ALK: variants seen among roughly 807,000 people sequenced by gnomAD.
The protein encoded by ALK is ALK receptor tyrosine kinase.
In ALK, 74 loss-of-function variants were observed where a neutral mutation model predicts 163.1. That is an observed-to-expected ratio of 0.45 (90% CI 0.38 to 0.55). ALK has a LOEUF of 0.55. ALK is among the 20% of genes least tolerant of loss of function. The pLI is 0.00. For synonymous variants in ALK, 960 were observed against 843.2 expected (o/e 1.14, Z -2.40); for missense variants, 2,063 against 2,105.3 (o/e 0.98, Z 0.39).
intron 5 of ALK, among the ~76,000 whole-genome samples, chr2:29,356,682 T>G (rs1422227416): frequency 6.6e-6 from 1 of 152,190 alleles, no homozygotes; most frequent in Non-Finnish European, 1.5e-5. Context: ...GATGGGAGAC[T>G]GAGCAGACCC....
chr2:29,663,871 T>C (rs1427711575), intron 3 of ALK, among the ~76,000 whole-genome samples: 1 of 152,172 alleles, frequency 6.6e-6, no homozygotes, highest in Admixed American at 6.5e-5. Flanking sequence ...TTTGTCTATA[T>C]GTCAAGTAAC....
chr2:29,562,593 C>T (rs1317326704), intron 3 of ALK, among the ~76,000 whole-genome samples: 1 of 152,050 alleles, frequency 6.6e-6, no homozygotes, highest in East Asian at 1.9e-4. Flanking sequence ...ACTGCATTGG[C>T]TCAATAGCAG....
At chr2:29,678,408 C>G (rs191565265) in intron 3 of ALK, among the ~76,000 whole-genome samples, 1 of 151,514 alleles carries the variant, frequency 6.6e-6, no homozygotes, top group Admixed American at 6.6e-5. Context: ...TGAGACTTTA[C>G]TCTTTTTCTA....
chr2:29,328,593 G>T (rs1667346098), intron 5 of ALK, 112 bp from the exon 6 acceptor site: 1 of 1,401,016 alleles, frequency 7.1e-7, no homozygotes, highest in South Asian at 1.2e-5. Flanking sequence ...ATCCTGCCCT[G>T]CCATTCACAC....
chr2:29,680,986 T>C (rs1678047369), intron 3 of ALK: 3 of 152,112 alleles, frequency 2.0e-5, no homozygotes, highest in African/African-American at 7.2e-5. Flanking sequence ...CTATTGATTG[T>C]TTTTCAGGTG....
At chr2:29,288,961 AATAAATAAATAAAT>A (rs1558654901) in intron 9 of ALK, among the ~76,000 whole-genome samples, 1,350 of 117,042 alleles carry the variant, frequency 0.012, 175 homozygotes, top group African/African-American at 0.045. Context: ...CAAAAAAATA[AATAAATAAATAAAT>A]AAATAAATAA....
chr2:29,725,093 A>G (rs1002477405), intron 1 of ALK, among the ~76,000 whole-genome samples: 2 of 136,152 alleles, frequency 1.5e-5, no homozygotes, highest in Non-Finnish European at 3.1e-5. Flanking sequence ...ATATTAATAA[A>G]GGAAATTGTT....
chr2:29,461,649 T>C (rs1436317451), intron 4 of ALK, among the ~76,000 whole-genome samples: 1 of 152,190 alleles, frequency 6.6e-6, no homozygotes, highest in African/African-American at 2.4e-5. Context: ...AAAAGATTCC[T>C]TTAAAAATAT....
At chr2:29,535,465 A>G (rs1673227844) in intron 3 of ALK, among the ~76,000 whole-genome samples, 1 of 152,246 alleles carries the variant, frequency 6.6e-6, no homozygotes. Flanking sequence ...ACCTTAGACA[A>G]ATTATTTAAA....
intron 2 of ALK, among the ~76,000 whole-genome samples, chr2:29,708,837 A>G (rs1272480325): frequency 6.6e-6 from 1 of 152,046 alleles, no homozygotes; most frequent in East Asian, 1.9e-4. Context: ...CTATTTGATC[A>G]GACCACAGAA....
At chr2:29,453,223 A>C (rs539189541) in intron 4 of ALK, among the ~76,000 whole-genome samples, 1 of 152,142 alleles carries the variant, frequency 6.6e-6, no homozygotes, top group Non-Finnish European at 1.5e-5. Flanking sequence ...TAAATATCAA[A>C]CTATCTCAAA....
chr2:29,371,989 C>G (rs80054806), intron 5 of ALK, among the ~76,000 whole-genome samples: 1,667 of 152,334 alleles, frequency 0.011, 27 homozygotes, highest in African/African-American at 0.039. Flanking sequence ...GATGCTTTAT[C>G]TTAACATTTG....
intron 1 of ALK, among the ~76,000 whole-genome samples, chr2:29,747,584 A>T (rs1262036004): frequency 3.3e-5 from 5 of 152,174 alleles, no homozygotes; most frequent in Non-Finnish European, 7.3e-5. Flanking sequence ...TTACATTTTT[A>T]TCCCCTCAAT....
At position 29,717,705 on chromosome 2, in the gene ALK, T is replaced by TA; in HGVS notation, c.668-9dup. The TA allele has an allele frequency of 6.2e-7, 1 of 1,613,966 alleles. No individual in the cohort carries two copies. The highest frequency in any genetic ancestry group is 8.5e-7 in the Non-Finnish European group (1 of 1,179,938). ...ATTCCAAGGAGCTATGACCTGGACA[T>TA]AAAAATAAAGAAAACACTGATCCAT... is the stretch of plus-strand genomic sequence containing the variant. On this transcript the variant is annotated splice_polypyrimidine_tract_variant and intron_variant, in intron 1 of 28. Coordinates refer to ENST00000389048, the MANE Select transcript of ALK (RefSeq NM_004304.5).
In ALK at chr2:29,368,735, T is replaced by C. The variant is rs558444614; in HGVS notation, c.1282+14997A>G. ...CCTTTTTCTCCCTTTCTCTCTCTTT[T>C]CTTCCCTGTCTTCCTCCTCCTTTTT... On this transcript the variant is annotated intron_variant, in intron 5 of 28. Coordinates refer to ENST00000389048, the MANE Select transcript of ALK (RefSeq NM_004304.5). Among the ~76,000 whole-genome samples, 4 of 152,312 alleles carry C rather than the reference T, an allele frequency of 2.6e-5. No homozygotes were observed. In the South Asian group the frequency reaches 8.3e-4, roughly 32 times the overall value.
intron 3 of ALK, among the ~76,000 whole-genome samples, chr2:29,623,485 C>CTAACACATATATGGTAGT (rs1415572809): frequency 6.6e-6 from 1 of 152,088 alleles, no homozygotes; most frequent in African/African-American, 2.4e-5. Context: ...AAAATGATAG[C>CTAACACATATATGGTAGT]TCACTTTAAT....
intron 4 of ALK, among the ~76,000 whole-genome samples, chr2:29,425,311 C>T (rs1346107908): frequency 6.6e-6 from 1 of 152,074 alleles, no homozygotes; most frequent in Admixed American, 6.5e-5. Flanking sequence ...GAGGCTTTCC[C>T]CCGGCCCCTA....
rs11687789 is a variant in ALK, at chr2:29,228,645, C to G, written c.2815+239G>C. Among the ~76,000 whole-genome samples the G allele has an allele frequency of 0.61, 91,734 of 151,468 alleles. 29,015 individuals carry two copies. The highest frequency in any genetic ancestry group is 0.76 in the Middle Eastern group (222 of 292). ...CCTCTTTATCATCGACTTTGGGGGA[C>G]ATCAAGAATCACATGGGATCTTGAT... is the stretch of plus-strand genomic sequence containing the variant. On this transcript the variant is annotated intron_variant, in intron 16 of 28. Coordinates refer to ENST00000389048, the MANE Select transcript of ALK (RefSeq NM_004304.5).
chr2:29,318,039 C>G (rs1666885308), intron 8 of ALK, among the ~76,000 whole-genome samples: 1 of 152,200 alleles, frequency 6.6e-6, no homozygotes, highest in Non-Finnish European at 1.5e-5. Context: ...CATGGAAAAT[C>G]TCTTCTGGGT....
Sources: gnomAD v4.1 joint callset for allele counts (sites outside exome capture counted in the v4.1 genomes callset) on GRCh38, gnomAD v4.1.1 for gene constraint, MANE v1.5 for transcripts, NCBI Gene and HGNC (gene_info 2026-07-23, HGNC 2026-07-21) for gene names.